Variants in RASA2 observed in about 807,000 individuals in gnomAD.
The protein encoded by RASA2 is RAS p21 protein activator 2.
Under a neutral mutation model 118.2 loss-of-function variants are expected in RASA2, and 155 were observed. The observed-to-expected ratio is 1.31, with a 90% CI of 1.15 to 1.50. RASA2 has a LOEUF of 1.50. RASA2 is among the 40% of genes most tolerant of loss of function. The pLI, the probability that RASA2 is intolerant of heterozygous loss-of-function variation, is 0.00. For synonymous variants in RASA2, 353 were observed against 349.1 expected (o/e 1.01, Z -0.12); for missense variants, 1,016 against 1,009.6 (o/e 1.01, Z -0.09).
At chr3:141,547,856 C>G (rs1378164979) in intron 5 of RASA2, among the ~76,000 whole-genome samples, 1 of 152,050 alleles carries the variant, frequency 6.6e-6, no homozygotes, top group Admixed American at 6.5e-5. Flanking sequence ...GAGGTTTGAT[C>G]CTTCTGTACC....
rs769524904 is a variant in RASA2, at chr3:141,487,089, G to GGCGGCGGCGCCTGCTGCT, written c.15_32dup (p.Pro6_Ala11dup). 68 of 1,367,670 alleles carry GGCGGCGGCGCCTGCTGCT rather than the reference G, an allele frequency of 5.0e-5. No individual in the cohort carries two copies. In the African/African-American group the frequency reaches 6.3e-4, roughly 13 times the overall value. 84.7% of individuals were successfully genotyped at this position (1,367,670 alleles called of 1,614,324 possible). A position where few individuals can be genotyped will look rare whatever the true frequency, so the allele number is the denominator to read the frequency against. On this transcript the variant is annotated inframe_insertion, in exon 1 of 24. Coordinates refer to ENST00000286364, the MANE Select transcript of RASA2 (RefSeq NM_006506.5). ...GGCACGGGCCGGGCGGCACCATGGC[G>GGCGGCGGCGCCTGCTGCT]GCGGCGGCGCCTGCTGCTGCGGCGG...
At chr3:141,611,469 G>A (rs1269271940) in intron 23 of RASA2, among the ~76,000 whole-genome samples, 2 of 152,144 alleles carry the variant, frequency 1.3e-5, no homozygotes, top group Non-Finnish European at 2.9e-5. Context: ...TGGATAGGGC[G>A]GGGATGGGTC....
In RASA2 at chr3:141,543,147, G is replaced by A. The variant is rs566477583; in HGVS notation, c.527+2538G>A. Among the ~76,000 whole-genome samples, 44 of 151,554 alleles carry A rather than the reference G, an allele frequency of 2.9e-4. No individual in the cohort carries two copies. In the East Asian group the frequency reaches 8.1e-3, roughly 28 times the overall value. On this transcript the variant is annotated intron_variant, in intron 5 of 23. Transcript: ENST00000286364. ...CTGTGGGTTACTTGAACACTTTTTAGAATTCCATTTTGATTTATTTATATT... is the reference window on the plus strand; with the variant it reads ...CTGTGGGTTACTTGAACACTTTTTAAAATTCCATTTTGATTTATTTATATT...
At chr3:141,594,968 T>C (rs1426140329) in intron 19 of RASA2, among the ~76,000 whole-genome samples, 2 of 152,118 alleles carry the variant, frequency 1.3e-5, no homozygotes, top group African/African-American at 2.4e-5. Flanking sequence ...ATATGAAATA[T>C]ATGACAGTAA....
intron 17 of RASA2, among the ~76,000 whole-genome samples, chr3:141,584,941 TC>T (rs2083176715): frequency 1.3e-5 from 2 of 152,166 alleles, no homozygotes; most frequent in African/African-American, 4.8e-5. Flanking sequence ...AAATTCAAAA[TC>T]CAGAATGCAC....
At chr3:141,540,667 C>A in intron 5 of RASA2, 58 bp downstream of exon 5, 3 of 1,429,080 alleles carry the variant, frequency 2.1e-6, no homozygotes, top group South Asian at 2.5e-5. Context: ...TGTATTCTTT[C>A]GATTTTAAGC....
intron 1 of RASA2, 38 bp from the exon 2 acceptor site, chr3:141,512,122 TTGA>T: frequency 7.3e-7 from 1 of 1,360,692 alleles, no homozygotes; most frequent in African/African-American, 1.4e-5. Flanking sequence ...TATGAAGCAG[TTGA>T]TGATATTTAA....
At chr3:141,587,685 G>T (rs2083226778) in intron 19 of RASA2, among the ~76,000 whole-genome samples, 1 of 140,750 alleles carries the variant, frequency 7.1e-6, no homozygotes, top group Non-Finnish European at 1.5e-5. Context: ...CTGCACTGTA[G>T]CCTGGGTGAC....
chr3:141,580,649 G>A (rs995660456), intron 16 of RASA2, among the ~76,000 whole-genome samples, 198 bp downstream of exon 16: 2 of 151,958 alleles, frequency 1.3e-5, no homozygotes, highest in Non-Finnish European at 2.9e-5. Flanking sequence ...CAGAAGCTGG[G>A]CATAGTGACT....
At chr3:141,512,702 G>A (rs566420554) in intron 2 of RASA2, among the ~76,000 whole-genome samples, 1 of 152,240 alleles carries the variant, frequency 6.6e-6, no homozygotes, top group East Asian at 1.9e-4. Flanking sequence ...TACCACCTCT[G>A]CACCGTAGCA....
intron 17 of RASA2, among the ~76,000 whole-genome samples, chr3:141,585,075 A>G (rs2083179095): frequency 6.6e-6 from 1 of 152,292 alleles, no homozygotes; most frequent in East Asian, 1.9e-4. Flanking sequence ...AAAACAGGCT[A>G]CAGGTCAAAC....
At chr3:141,527,563 A>G (rs1365066411) in intron 3 of RASA2, among the ~76,000 whole-genome samples, 1 of 151,992 alleles carries the variant, frequency 6.6e-6, no homozygotes, top group Admixed American at 6.6e-5. Context: ...CATTTTATTT[A>G]TGTCTGGTGT....
intron 3 of RASA2, among the ~76,000 whole-genome samples, chr3:141,517,513 C>T (rs912022647): frequency 6.6e-6 from 1 of 152,184 alleles, no homozygotes; most frequent in Non-Finnish European, 1.5e-5. Flanking sequence ...TGAGAACTCA[C>T]TGTCATGAGA....
At chr3:141,590,199 T>C (rs766900088) in intron 19 of RASA2, 112 of 455,422 alleles carry the variant, frequency 2.5e-4, no homozygotes, top group Non-Finnish European at 3.8e-4. Flanking sequence ...AATTGTTATA[T>C]GGATTCTGAT....
intron 18 of RASA2, among the ~76,000 whole-genome samples, 198 bp from the exon 19 acceptor site, chr3:141,586,448 A>T (rs1054739455): frequency 7.2e-5 from 11 of 152,214 alleles, no homozygotes; most frequent in African/African-American, 1.7e-4. Context: ...TACAATTAAA[A>T]ATATTAAATT....
At chr3:141,559,556 T>C (rs1344737339) in intron 8 of RASA2, among the ~76,000 whole-genome samples, 1 of 152,082 alleles carries the variant, frequency 6.6e-6, no homozygotes. Context: ...TATATATTAA[T>C]TGGTGGTAAT....
At chr3:141,570,036 A>G (rs1317785483) in intron 9 of RASA2, among the ~76,000 whole-genome samples, 5 of 150,768 alleles carry the variant, frequency 3.3e-5, no homozygotes, top group African/African-American at 1.2e-4. Context: ...TGGGTACATG[A>G]GCGTTCAATA....
At chr3:141,525,359 T>A (rs1577682462) in intron 3 of RASA2, 1 of 152,170 alleles carries the variant, frequency 6.6e-6, no homozygotes, top group African/African-American at 2.4e-5. Context: ...TTGCCCAGGC[T>A]GGACTTGAAC....
chr3:141,584,071 G>T (rs1043171999), intron 17 of RASA2, among the ~76,000 whole-genome samples: 2 of 151,928 alleles, frequency 1.3e-5, no homozygotes, highest in East Asian at 1.9e-4. Context: ...GGTGGCTTAC[G>T]CCTGTAATCC....
Sources: allele counts gnomAD v4.1 joint callset (sites outside exome capture counted in the v4.1 genomes callset), GRCh38; gene constraint gnomAD v4.1.1; transcripts MANE v1.5; gene names NCBI Gene and HGNC (gene_info 2026-07-23, HGNC 2026-07-21).